TANGO6: variants seen among roughly 807,000 people sequenced by gnomAD.
TANGO6 encodes the protein transport and Golgi organization protein 6 homolog.
In TANGO6, 90 loss-of-function variants were observed where a neutral mutation model predicts 114.2. The observed-to-expected ratio is 0.79, with a 90% CI of 0.66 to 0.94. TANGO6 has a LOEUF of 0.94. TANGO6 is among the 40% of genes least tolerant of loss of function. The pLI, the probability that TANGO6 is intolerant of heterozygous loss-of-function variation, is 0.00. For missense variants in TANGO6, 1,274 were observed against 1,315.3 expected, an observed-to-expected ratio of 0.97 and a Z score of 0.49; for synonymous variants, 477 against 509.8, an observed-to-expected ratio of 0.94 and a Z score of 0.87.
intron 7 of TANGO6, among the ~76,000 whole-genome samples, chr16:68,882,494 C>T (rs1204834844): frequency 6.7e-6 from 1 of 148,550 alleles, no homozygotes; most frequent in Non-Finnish European, 1.5e-5. Flanking sequence ...GAGACTCCGT[C>T]TCAAAAAAAA....
chr16:68,973,328 A>G (rs1963728221), intron 14 of TANGO6, among the ~76,000 whole-genome samples: 1 of 152,094 alleles, frequency 6.6e-6, no homozygotes, highest in Non-Finnish European at 1.5e-5. Context: ...GTTCTCTGCT[A>G]AAGACTAATG....
rs998653984 is a variant in TANGO6, at chr16:68,980,048, A to G, written c.2842+5880A>G. Among the ~76,000 whole-genome samples the G allele has an allele frequency of 3.3e-5, 5 of 151,902 alleles. No homozygotes were observed. The South Asian group carries it at 6.2e-4, about 19-fold the overall frequency. ...TTTTTAGTAGAGACGGGGTTTCACCATGCTGGCCAGGCTGGTCTCGAACTC... is the reference window on the plus strand; with the variant it reads ...TTTTTAGTAGAGACGGGGTTTCACCGTGCTGGCCAGGCTGGTCTCGAACTC... On this transcript the variant is annotated intron_variant, in intron 15 of 17. Transcript: ENST00000261778.
chr16:68,999,134 C>A (rs1187518876), intron 15 of TANGO6, among the ~76,000 whole-genome samples: 1 of 152,158 alleles, frequency 6.6e-6, no homozygotes, highest in Non-Finnish European at 1.5e-5. Context: ...TCTCCCACCT[C>A]GGCTTCCCAA....
At chr16:68,846,671 T>C (rs566212724) in intron 1 of TANGO6, 252 of 159,660 alleles carry the variant, frequency 1.6e-3, no homozygotes, top group Non-Finnish European at 2.5e-3. Context: ...AATTTTCTTT[T>C]TTTTTTTTTT....
chr16:68,992,329 G>A (rs1348304454), intron 15 of TANGO6, among the ~76,000 whole-genome samples: 1 of 152,084 alleles, frequency 6.6e-6, no homozygotes, highest in Admixed American at 6.5e-5. Context: ...TTTTGATCTC[G>A]ACTCTAACCT....
intron 7 of TANGO6, among the ~76,000 whole-genome samples, chr16:68,885,230 T>C (rs900255014): frequency 2.6e-5 from 4 of 152,208 alleles, no homozygotes; most frequent in African/African-American, 7.2e-5. Flanking sequence ...AGAGAAGCAT[T>C]TGGGAACATT....
At chr16:69,067,467 A>C (rs1960230800) in intron 17 of TANGO6, among the ~76,000 whole-genome samples, 1 of 147,946 alleles carries the variant, frequency 6.8e-6, no homozygotes, top group Non-Finnish European at 1.5e-5. Flanking sequence ...GCAGTGAGCC[A>C]AGATTGCGCC....
In TANGO6 at chr16:68,974,159, A is replaced by G. The variant is rs1238124719; in HGVS notation, c.2833A>G (p.Arg945Gly). The change falls in exon 15 of 18, where the codon AGG (arginine) becomes GGG (glycine). Residue 945 changes from arginine to glycine, a missense_variant. Physicochemically the swap from Arg to Gly is moderately radical, Grantham distance 125. Around this residue, in one of 5 missense-constraint regions of TANGO6, gnomAD observed 238 missense variants for 252.9 expected, o/e 0.94. Coordinates refer to ENST00000261778, the MANE Select transcript of TANGO6 (RefSeq NM_024562.2). The stretch of plus-strand genomic sequence containing the variant: ...CGGGGAAGTCCTTATGCGAATCGTC[A>G]GGGCATTAGGTGAGTTTTCTTGTTC... Reference protein sequence around the residue: ...KVGEVLMRIVRALGDMVSKYR... With the variant: ...KVGEVLMRIVGALGDMVSKYR... 4.3e-6 allele frequency: 7 copies of G among 1,613,850 alleles called. No individual in the cohort carries two copies. In the African/African-American group the frequency reaches 5.3e-5, roughly 12 times the overall value.
At chr16:68,856,144 A>G (rs1471560922) in intron 1 of TANGO6, among the ~76,000 whole-genome samples, 1 of 152,174 alleles carries the variant, frequency 6.6e-6, no homozygotes, top group Non-Finnish European at 1.5e-5. Context: ...TATTTCAATG[A>G]CAAAGATTTT....
At chr16:68,936,030 A>T (rs935323097) in intron 14 of TANGO6, among the ~76,000 whole-genome samples, 2 of 152,020 alleles carry the variant, frequency 1.3e-5, no homozygotes, top group Non-Finnish European at 1.5e-5. Context: ...ACACAAAAAT[A>T]AAAATTAGCT....
Position 68,843,703 on chromosome 16 carries a change from G to T in TANGO6, c.86G>T (p.Ser29Ile), listed in dbSNP as rs766751739. 7.4e-6 allele frequency: 12 copies of T among 1,613,508 alleles called. No homozygotes were observed. Among genetic ancestry groups the T allele is most frequent in the Non-Finnish European group, 1.0e-5 (12 of 1,179,676 alleles). The change falls in exon 1 of 18, where the codon AGC becomes ATC. Residue 29 changes from serine to isoleucine, a missense_variant. Physicochemically the swap from Ser to Ile is moderately radical, Grantham distance 142. This residue lies in a region of TANGO6 where 114 missense variants were observed against 104.6 expected (regional missense o/e 1.09). Transcript: ENST00000261778. The part of the protein sequence containing the change: ...RILEALKLLL[S>I]PGGSGSSSLQ... ...TTGGAGGCATTGAAGCTGCTGCTGA[G>T]CCCGGGAGGTGAGAGGACGCATCTC...
chr16:69,059,329 C>T (rs1960081251), intron 17 of TANGO6, among the ~76,000 whole-genome samples: 2 of 152,080 alleles, frequency 1.3e-5, no homozygotes, highest in Non-Finnish European at 2.9e-5. Context: ...GCCTTGGCCT[C>T]CCAAACTGCT....
chr16:68,864,565 A>G (rs573587836), intron 3 of TANGO6, among the ~76,000 whole-genome samples: 12 of 152,128 alleles, frequency 7.9e-5, no homozygotes, highest in African/African-American at 2.9e-4. Context: ...TGGGCAACAG[A>G]GTGAGATCTT....
chr16:69,023,049 A>G lies in TANGO6; in HGVS notation c.2994+70A>G. On this transcript the variant is annotated intron_variant, in intron 16 of 17. Transcript: ENST00000261778. Reference sequence around the variant, plus strand: ...ACCTACGATGCATCTTGAGATTGGGAGTCAGGAGACCTGGGCTCTTTTTGC... The same window carrying G: ...ACCTACGATGCATCTTGAGATTGGGGGTCAGGAGACCTGGGCTCTTTTTGC... 2.8e-6 allele frequency: 4 copies of G among 1,443,276 alleles called. No homozygotes were observed. The South Asian group carries it at 4.5e-5, about 16-fold the overall frequency. 89.4% of individuals were successfully genotyped at this position (1,443,276 alleles called of 1,614,324 possible).
At chr16:68,995,290 A>G (rs557366064) in intron 15 of TANGO6, among the ~76,000 whole-genome samples, 9 of 152,348 alleles carry the variant, frequency 5.9e-5, no homozygotes, top group African/African-American at 2.2e-4. Context: ...GAATGAAGAA[A>G]GCAGCAGATC....
Position 68,919,078 on chromosome 16 carries a change from T to G in TANGO6, c.1993-7T>G. 1 of 1,603,492 alleles carries G rather than the reference T, an allele frequency of 6.2e-7. No homozygotes were observed. The highest frequency in any genetic ancestry group is 8.5e-7 in the Non-Finnish European group (1 of 1,175,176). ...CTCATTGATTCTCAATTCCCTTTTTTGGGTAGGTGGTGGACTTTGTAGCAG... is the reference window on the plus strand; with the variant it reads ...CTCATTGATTCTCAATTCCCTTTTTGGGGTAGGTGGTGGACTTTGTAGCAG... On this transcript the variant is annotated splice_polypyrimidine_tract_variant and splice_region_variant and intron_variant, in intron 11 of 17. Transcript: ENST00000261778.
intron 17 of TANGO6, among the ~76,000 whole-genome samples, chr16:69,053,095 C>G (rs1281418378): frequency 6.6e-6 from 1 of 152,042 alleles, no homozygotes; most frequent in East Asian, 1.9e-4. Flanking sequence ...AAGGGCGAAA[C>G]TCGGTCTCAA....
At chr16:68,923,223 G>A (rs1441511453) in intron 12 of TANGO6, among the ~76,000 whole-genome samples, 2 of 151,436 alleles carry the variant, frequency 1.3e-5, no homozygotes, top group African/African-American at 2.4e-5. Context: ...CTCCCAAAGC[G>A]CCGGGATTAC....
intron 9 of TANGO6, among the ~76,000 whole-genome samples, chr16:68,906,779 C>A (rs955901425): frequency 6.0e-5 from 9 of 150,240 alleles, no homozygotes; most frequent in Non-Finnish European, 1.3e-4. Context: ...ACATAACCGC[C>A]TAGTTTCTTC....
Sources: gnomAD v4.1 joint callset for allele counts (sites outside exome capture counted in the v4.1 genomes callset) on GRCh38, gnomAD v4.1.1 for gene constraint, gnomAD v4.1.1 regional missense constraint, MANE v1.5 for transcripts, NCBI Gene and HGNC (gene_info 2026-07-23, HGNC 2026-07-21) for gene names.